The following MS4A7 variants were observed in gnomAD, a reference collection of about 807,000 sequenced individuals.
MS4A7 encodes membrane spanning 4-domains A7.
In MS4A7, 21 loss-of-function variants were observed where a neutral mutation model predicts 23.5. That is an observed-to-expected ratio of 0.89 (90% confidence interval 0.63 to 1.29). The LOEUF (loss-of-function observed/expected upper bound fraction) is 1.29. MS4A7 is among the 50% of genes most tolerant of loss of function. The probability of loss-of-function intolerance (pLI) is 0.00; values close to 1 mark genes in which losing one functional copy is unlikely to be tolerated. For synonymous variants in MS4A7, 111 were observed against 107.4 expected (o/e 1.03, Z -0.21); for missense variants, 263 against 274.2 (o/e 0.96, Z 0.29).
At position 60,383,363 on chromosome 11, in the gene MS4A7, G is replaced by A; in HGVS notation, c.147+75G>A. 2.6e-6 allele frequency: 4 copies of A among 1,531,774 alleles called. No homozygotes were observed. The South Asian group carries it at 5.0e-5, about 19-fold the overall frequency. 94.9% of individuals were successfully genotyped at this position (1,531,774 alleles called of 1,614,324 possible). A position where few individuals can be genotyped will look rare whatever the true frequency, so the allele number is the denominator to read the frequency against. On this transcript the variant is annotated intron_variant, in intron 2 of 6. Coordinates refer to ENST00000300184, the MANE Select transcript of MS4A7 (RefSeq NM_021201.5). ...GTATCTAGACTACAGATCTACAGTG[G>A]GTCTGGGAAACTCTTTCACTCTTTT...
chr11:60,385,103 T>C lies in MS4A7; in HGVS notation c.163T>C (p.Cys55Arg), dbSNP rs759783721. Reference protein sequence around the residue: ...TTVLGTVQILCCLLISSLGAI... With the variant: ...TTVLGTVQILRCLLISSLGAI... ...TCTCTTGTAGACTGTCCAGATCCTG[T>C]GTTGCCTGTTGATTTCAAGTCTGGG... Residue 55 changes from cysteine to arginine, a missense_variant, in exon 3 of 7, where the codon TGT (cysteine) becomes CGT (arginine). Coordinates refer to ENST00000300184, the MANE Select transcript of MS4A7 (RefSeq NM_021201.5). The C allele has an allele frequency of 1.4e-5, 22 of 1,613,852 alleles. No individual in the cohort carries two copies. The highest frequency in any genetic ancestry group is 1.8e-5 in the Non-Finnish European group (21 of 1,179,852).
In MS4A7 at chr11:60,394,760, C is replaced by T. The variant is rs74693377; in HGVS notation, c.*899C>T. 8.4e-3 allele frequency: 2,338 copies of T among 278,854 alleles called. 100 individuals carry two copies. Among genetic ancestry groups the T allele is most frequent in the Admixed American group, 0.083 (1,620 of 19,494 alleles). 17.3% of individuals were successfully genotyped at this position (278,854 alleles called of 1,614,324 possible). A position where few individuals can be genotyped will look rare whatever the true frequency, so the allele number is the denominator to read the frequency against. On this transcript the variant is annotated 3_prime_UTR_variant, in exon 7 of 7. Coordinates refer to ENST00000300184, the MANE Select transcript of MS4A7 (RefSeq NM_021201.5). ...GAGGTTGCAGTGAGCGGAGACTGCACCACTGCATTCCAGCCCGGCCTACAA... is the reference window on the plus strand; with the variant it reads ...GAGGTTGCAGTGAGCGGAGACTGCATCACTGCATTCCAGCCCGGCCTACAA...
At chr11:60,379,458 G>T (rs2085405572) in intron 1 of MS4A7, among the ~76,000 whole-genome samples, 2 of 152,108 alleles carry the variant, frequency 1.3e-5, no homozygotes, top group Admixed American at 1.3e-4. Flanking sequence ...ATACCATTTG[G>T]CTTTTTGGTT....
chr11:60,394,335 C>T lies in MS4A7; in HGVS notation c.*474C>T, dbSNP rs2085587354. 1.3e-5 allele frequency: 2 copies of T among 152,592 alleles called. No homozygotes were observed. Among genetic ancestry groups the T allele is most frequent in the East Asian group, 1.9e-4 (1 of 5,216 alleles). 9.5% of individuals were successfully genotyped at this position (152,592 alleles called of 1,614,324 possible). A position where few individuals can be genotyped will look rare whatever the true frequency, so the allele number is the denominator to read the frequency against. On this transcript the variant is annotated 3_prime_UTR_variant, in exon 7 of 7. Coordinates refer to ENST00000300184, the MANE Select transcript of MS4A7 (RefSeq NM_021201.5). Reference sequence around the variant, plus strand: ...CTCTCTGAGAAACAGATCTACTGGGCCCTTTTTCATGAGCCATTAGGTGGA... The same window carrying T: ...CTCTCTGAGAAACAGATCTACTGGGTCCTTTTTCATGAGCCATTAGGTGGA...
intron 1 of MS4A7, 135 bp from the exon 2 acceptor site, chr11:60,382,994 T>G: frequency 1.1e-6 from 1 of 915,672 alleles, no homozygotes; most frequent in Non-Finnish European, 1.7e-6. Context: ...GATCCCCATG[T>G]TTTGTTTCTG....
intron 1 of MS4A7, among the ~76,000 whole-genome samples, chr11:60,379,584 G>A (rs542428758): frequency 1.1e-5 from 1 of 89,218 alleles, no homozygotes; most frequent in Non-Finnish European, 2.6e-5. Flanking sequence ...AGTCACCCAG[G>A]CTAGAGTGCG....
chr11:60,387,926 T>C (rs2085509307), intron 4 of MS4A7, among the ~76,000 whole-genome samples: 1 of 152,196 alleles, frequency 6.6e-6, no homozygotes, highest in Non-Finnish European at 1.5e-5. Context: ...GAGACAGGAT[T>C]CTCCCATAGC....
chr11:60,384,839 C>G (rs2085467125), intron 2 of MS4A7, among the ~76,000 whole-genome samples: 1 of 151,940 alleles, frequency 6.6e-6, no homozygotes, highest in African/African-American at 2.4e-5. Flanking sequence ...GTATCTTTTT[C>G]AAAAAAAGTT....
At position 60,389,364 on chromosome 11, in the gene MS4A7, A is replaced by G. The variant is rs778741586; in HGVS notation, c.340-26A>G. ...TGTCACGTGCTGATTCTGTGATGAGAACCCAATGCAGAGTTTCTCTTCCAG... is the reference window on the plus strand; with the variant it reads ...TGTCACGTGCTGATTCTGTGATGAGGACCCAATGCAGAGTTTCTCTTCCAG... On this transcript the variant is annotated intron_variant, in intron 4 of 6. Transcript: ENST00000300184. 35 of 1,580,256 alleles carry G rather than the reference A, an allele frequency of 2.2e-5. No homozygotes were observed. In the Admixed American group the frequency reaches 5.5e-4, roughly 25 times the overall value.
rs147113699 is a variant in MS4A7 at position 60,394,916 on chromosome 11, C to T, written c.*1055C>T. 1.7e-3 allele frequency: 1,037 copies of T among 608,508 alleles called. 22 individuals are homozygous for T. In the East Asian group the frequency reaches 0.027, roughly 16 times the overall value. 37.7% of individuals were successfully genotyped at this position (608,508 alleles called of 1,614,324 possible). A position where few individuals can be genotyped will look rare whatever the true frequency, so the allele number is the denominator to read the frequency against. ...AAAAAAGAATATTCAGTCGTTGGCA[C>T]ATAAACTATGTTCTCTTCTGTCATT... On this transcript the variant is annotated 3_prime_UTR_variant, in exon 7 of 7. Transcript: ENST00000300184.
At chr11:60,379,228 G>A (rs1278974339) in intron 1 of MS4A7, among the ~76,000 whole-genome samples, 1 of 152,184 alleles carries the variant, frequency 6.6e-6, no homozygotes, top group Admixed American at 6.5e-5. Flanking sequence ...CCTTCTAAAA[G>A]TAGCAACGTG....
At chr11:60,389,134 A>G in intron 4 of MS4A7, 3 of 459,574 alleles carry the variant, frequency 6.5e-6, no homozygotes, top group Non-Finnish European at 1.2e-5. Flanking sequence ...TAGAGAGTCA[A>G]TGGGCCAGAA....
chr11:60,386,822 T>C (rs1365975131), intron 4 of MS4A7, 49 bp downstream of exon 4: 1 of 1,403,924 alleles, frequency 7.1e-7, no homozygotes, highest in Non-Finnish European at 1.0e-6. Flanking sequence ...TGAAGGAACG[T>C]CAGAGTTAAT....
chr11:60,385,018 C>A (rs200153417), intron 2 of MS4A7, 70 bp from the exon 3 acceptor site: 1 of 1,388,884 alleles, frequency 7.2e-7, no homozygotes. Context: ...TATACTTTAC[C>A]GTGTGCATTC....
chr11:60,383,321 GA>G (rs1331448618), intron 2 of MS4A7, 33 bp downstream of exon 2: 1 of 1,611,212 alleles, frequency 6.2e-7, no homozygotes, highest in East Asian at 2.2e-5. Context: ...GGAATACTGA[GA>G]AAATACTTTG....
At chr11:60,379,466 G>A (rs1389433135) in intron 1 of MS4A7, among the ~76,000 whole-genome samples, 1 of 152,158 alleles carries the variant, frequency 6.6e-6, no homozygotes, top group East Asian at 1.9e-4. Context: ...TGGCTTTTTG[G>A]TTGTAGTAAA....
At chr11:60,390,089 T>C (rs2085535193) in intron 5 of MS4A7, 1 of 169,280 alleles carries the variant, frequency 5.9e-6, no homozygotes. Flanking sequence ...TTTAAGTTAA[T>C]CTTCAAATGC....
chr11:60,386,431 C>T (rs1277487856), intron 3 of MS4A7: 2 of 354,910 alleles, frequency 5.6e-6, no homozygotes, highest in African/African-American at 2.1e-5. Flanking sequence ...TAACACTCTT[C>T]TCCTTCCCAG....
chr11:60,383,511 A>G, intron 2 of MS4A7: 1 of 316,632 alleles, frequency 3.2e-6, no homozygotes, highest in Non-Finnish European at 5.7e-6. Flanking sequence ...TTCACAATTA[A>G]CAGGTTAGTC....
Sources: gnomAD v4.1 joint callset for allele counts (sites outside exome capture counted in the v4.1 genomes callset) on GRCh38, gnomAD v4.1.1 for gene constraint, MANE v1.5 for transcripts, NCBI Gene and HGNC (gene_info 2026-07-23, HGNC 2026-07-21) for gene names.